Variants in TRERF1 observed in about 807,000 individuals in gnomAD.
The protein encoded by TRERF1 is transcriptional regulating factor 1.
In TRERF1, 27 loss-of-function variants were observed where a neutral mutation model predicts 122.9. The observed-to-expected ratio is 0.22, with a 90% CI of 0.16 to 0.30. The LOEUF (loss-of-function observed/expected upper bound fraction) is 0.30. TRERF1 is among the 10% of genes least tolerant of loss of function. The pLI is 1.00. For missense variants in TRERF1, 1,248 were observed against 1,560.3 expected, an observed-to-expected ratio of 0.80 and a Z score of 3.37; for synonymous variants, 636 against 641.7, an observed-to-expected ratio of 0.99 and a Z score of 0.13.
chr6:42,396,684 T>C (rs1055975130), intron 2 of TRERF1, among the ~76,000 whole-genome samples: 1 of 152,244 alleles, frequency 6.6e-6, no homozygotes, highest in African/African-American at 2.4e-5. Flanking sequence ...CGAGATTTCT[T>C]GTCTGTACAG....
chr6:42,361,652 T>C (rs1366003647), intron 3 of TRERF1, among the ~76,000 whole-genome samples: 1 of 152,098 alleles, frequency 6.6e-6, no homozygotes, highest in East Asian at 1.9e-4. Context: ...AATGCAAAGT[T>C]TCACTCAAAC....
At chr6:42,230,662 T>C (rs980201238) in intron 17 of TRERF1, among the ~76,000 whole-genome samples, 2 of 152,194 alleles carry the variant, frequency 1.3e-5, no homozygotes, top group African/African-American at 4.8e-5. Flanking sequence ...TCTTCCATGG[T>C]GCACCAGTGT....
intron 2 of TRERF1, among the ~76,000 whole-genome samples, chr6:42,449,299 C>T (rs1319836418): frequency 6.6e-6 from 1 of 152,192 alleles, no homozygotes. Flanking sequence ...AATCCTTTGG[C>T]GAAAATGGAC....
intron 3 of TRERF1, among the ~76,000 whole-genome samples, chr6:42,357,095 C>T (rs956822814): frequency 5.3e-5 from 8 of 151,876 alleles, no homozygotes; most frequent in Non-Finnish European, 8.8e-5. Flanking sequence ...TTTTGGGAGG[C>T]CGAGGCAGAT....
chr6:42,296,144 C>T (rs923023052), intron 4 of TRERF1, among the ~76,000 whole-genome samples: 23 of 152,250 alleles, frequency 1.5e-4, no homozygotes, highest in African/African-American at 4.6e-4. Context: ...CACAGCTCAG[C>T]GGGAGGGCCA....
Position 42,263,830 on chromosome 6 carries a change from G to A in TRERF1, c.1636-262C>T, listed in dbSNP as rs556923104. 2.0e-4 allele frequency among the ~76,000 whole-genome samples: 30 copies of A among 152,306 alleles called. No homozygotes were observed. Among genetic ancestry groups the A allele is most frequent in the South Asian group, 1.0e-3 (5 of 4,830 alleles). ...TTAAACTATTTTAAAAAAATTGTGTGGTTGTCATGCTTTTAAAGAAAGGGA... is the reference window on the plus strand; with the variant it reads ...TTAAACTATTTTAAAAAAATTGTGTAGTTGTCATGCTTTTAAAGAAAGGGA... On this transcript the variant is annotated intron_variant, in intron 7 of 17. Coordinates refer to ENST00000372922, the Ensembl canonical transcript of TRERF1. This position sits in a 1 kb window ranked among gnomAD's most constrained non-coding sequence, Gnocchi z 5.6.
chr6:42,444,920 G>A (rs754883529), intron 2 of TRERF1, among the ~76,000 whole-genome samples: 3 of 152,138 alleles, frequency 2.0e-5, no homozygotes, highest in Non-Finnish European at 4.4e-5. Context: ...CGTGGTCCCA[G>A]CCAACCCTTC....
chr6:42,373,854 G>C (rs542656474), intron 2 of TRERF1, among the ~76,000 whole-genome samples: 2 of 151,518 alleles, frequency 1.3e-5, no homozygotes, highest in South Asian at 4.2e-4. Context: ...AAGAAAAAAG[G>C]CCGGGCGTGG....
At chr6:42,266,556 C>T (rs146015019) in intron 5 of TRERF1, among the ~76,000 whole-genome samples, 3 of 152,284 alleles carry the variant, frequency 2.0e-5, no homozygotes, top group African/African-American at 7.2e-5. Context: ...CTCTCAGTTA[C>T]CACTGGTTCT....
At chr6:42,410,938 G>C (rs963952902) in intron 2 of TRERF1, among the ~76,000 whole-genome samples, 3 of 152,234 alleles carry the variant, frequency 2.0e-5, no homozygotes, top group African/African-American at 7.2e-5. Flanking sequence ...AGCACATACA[G>C]AGAAGCTGTG....
exon 18 of TRERF1, chr6:42,227,230 T>C (rs1386621725): frequency 6.6e-6 from 1 of 152,232 alleles, no homozygotes; most frequent in African/African-American, 2.4e-5. Context: ...TTGTTGGCCT[T>C]CAATGCTATT....
intron 4 of TRERF1, among the ~76,000 whole-genome samples, chr6:42,282,135 T>C (rs923332404): frequency 2.6e-5 from 4 of 152,200 alleles, no homozygotes; most frequent in South Asian, 2.1e-4. Context: ...GACAAGTGTG[T>C]ATGCTGCAGT....
intron 3 of TRERF1, among the ~76,000 whole-genome samples, chr6:42,313,195 C>A (rs1031544537): frequency 5.3e-5 from 8 of 152,190 alleles, no homozygotes; most frequent in African/African-American, 1.7e-4. Context: ...GGTTCGGCAT[C>A]TCTCTGGTGC....
At position 42,228,979 on chromosome 6, in the gene TRERF1, C is replaced by T. The variant is rs928554815; in HGVS notation, c.3279-310G>A. On this transcript the variant is annotated intron_variant, in intron 17 of 17. Coordinates refer to ENST00000372922, the Ensembl canonical transcript of TRERF1. This position sits in a 1 kb window ranked among gnomAD's most constrained non-coding sequence, Gnocchi z 4.2. ...AGGCTCTTTCTCCTCTTTCAGCCTC[C>T]CCCTTCTCCTCATCACTGACCATGC... Among the ~76,000 whole-genome samples the T allele has an allele frequency of 6.6e-6, 1 of 152,214 alleles. No homozygotes were observed. The highest frequency in any genetic ancestry group is 1.5e-5 in the Non-Finnish European group (1 of 68,038).
chr6:42,435,976 T>C lies in TRERF1; in HGVS notation c.-454+15201A>G, dbSNP rs561905700. ...GCCCAGGCGACAGTGCGAGACTCCA[T>C]CTCAAAAATAAATAAATAAATAAAT... On this transcript the variant is annotated intron_variant, in intron 2 of 17. Transcript: ENST00000372922. Among the ~76,000 whole-genome samples the C allele has an allele frequency of 2.6e-5, 4 of 151,442 alleles. No individual in the cohort carries two copies. In the East Asian group the frequency reaches 5.9e-4, roughly 22 times the overall value.
intron 13 of TRERF1, among the ~76,000 whole-genome samples, chr6:42,248,472 C>T (rs888629906): frequency 6.6e-6 from 1 of 152,032 alleles, no homozygotes; most frequent in Non-Finnish European, 1.5e-5. Flanking sequence ...CTTGCCTCAG[C>T]CTCCTGAGTA....
intron 8 of TRERF1, among the ~76,000 whole-genome samples, chr6:42,261,104 C>G (rs1488528251): frequency 6.6e-6 from 1 of 152,076 alleles, no homozygotes; most frequent in African/African-American, 2.4e-5. Context: ...CTTTTCTCCA[C>G]CAGAGGGCTC....
At chr6:42,240,740 C>G (rs948363310) in intron 15 of TRERF1, among the ~76,000 whole-genome samples, 1 of 152,168 alleles carries the variant, frequency 6.6e-6, no homozygotes, top group African/African-American at 2.4e-5. Context: ...ATCTTCCCAA[C>G]AAGGACATAT....
intron 3 of TRERF1, among the ~76,000 whole-genome samples, chr6:42,338,801 TGG>T (rs1032345293): frequency 6.6e-6 from 1 of 152,188 alleles, no homozygotes; most frequent in Non-Finnish European, 1.5e-5. Context: ...GGTTCCCACA[TGG>T]GACTCTCTGC....
Sources: gnomAD v4.1 joint callset for allele counts (sites outside exome capture counted in the v4.1 genomes callset) on GRCh38, gnomAD v4.1.1 for gene constraint, Gnocchi (gnomAD v3.1) non-coding constraint, MANE v1.5 for transcripts, NCBI Gene and HGNC (gene_info 2026-07-23, HGNC 2026-07-21) for gene names.